The following TPTE2 variants were observed in gnomAD, a reference collection of about 807,000 sequenced individuals.
The protein encoded by TPTE2 is transmembrane phosphoinositide 3-phosphatase and tensin homolog 2.
A neutral mutation model predicts 78.6 loss-of-function variants in TPTE2; 53 were observed. The observed-to-expected ratio is 0.67, with a 90% CI of 0.54 to 0.85. The LOEUF (loss-of-function observed/expected upper bound fraction) is 0.85. TPTE2 is among the 40% of genes least tolerant of loss of function. The pLI, the probability that TPTE2 is intolerant of heterozygous loss-of-function variation, is 0.00. For missense variants in TPTE2, 461 were observed against 623.0 expected, an observed-to-expected ratio of 0.74 and a Z score of 2.77; for synonymous variants, 175 against 206.2, an observed-to-expected ratio of 0.85 and a Z score of 1.30.
At chr13:19,445,107 T>C (rs1159780533) in intron 13 of TPTE2, among the ~76,000 whole-genome samples, 1 of 152,182 alleles carries the variant, frequency 6.6e-6, no homozygotes, top group Non-Finnish European at 1.5e-5. Context: ...CATATGATGG[T>C]AATACAATTA....
At chr13:19,560,562 G>C in the TPTE2 span, 1 of 1,598,456 alleles carries the variant, frequency 6.3e-7, no homozygotes, top group Non-Finnish European at 8.5e-7. Context: ...TCTTGGCCCA[G>C]CTGATGGTGA....
intron 1 of TPTE2, among the ~76,000 whole-genome samples, chr13:19,516,802 A>C (rs1395953003): frequency 6.6e-6 from 1 of 152,222 alleles, no homozygotes; most frequent in Non-Finnish European, 1.5e-5. Context: ...CACACTGCCT[A>C]AAATGTCGTA....
exon 20 of TPTE2, chr13:19,423,037 G>T: frequency 6.2e-7 from 1 of 1,610,330 alleles, no homozygotes; most frequent in South Asian, 1.1e-5. Context: ...TACTTAGTCG[G>T]ATCCAGCTAC....
the TPTE2 span, among the ~76,000 whole-genome samples, chr13:19,553,663 T>C: frequency 6.6e-6 from 1 of 152,226 alleles, no homozygotes; most frequent in South Asian, 2.1e-4. Context: ...GAATCTCAAA[T>C]CATTATGCTG....
the TPTE2 span, chr13:19,561,097 C>A: frequency 5.3e-5 from 85 of 1,603,756 alleles, no homozygotes; most frequent in South Asian, 7.7e-4. Context: ...CCTCCCCATC[C>A]TCCTCTTCCT....
upstream of TPTE2, among the ~76,000 whole-genome samples, chr13:19,506,148 G>A (rs925459971): frequency 5.5e-5 from 6 of 108,762 alleles, no homozygotes; most frequent in South Asian, 7.6e-4. Context: ...ATACACTTAC[G>A]TGTATATAAA....
the TPTE2 span, among the ~76,000 whole-genome samples, chr13:19,558,272 C>T: frequency 6.6e-6 from 1 of 152,120 alleles, no homozygotes; most frequent in African/African-American, 2.4e-5. Flanking sequence ...ATTCATCTCC[C>T]TACCCTAATG....
At chr13:19,527,695 C>T (rs1593421225) in intron 1 of TPTE2, among the ~76,000 whole-genome samples, 2 of 152,064 alleles carry the variant, frequency 1.3e-5, no homozygotes, top group African/African-American at 4.8e-5. Context: ...GGCAACATGA[C>T]AAAACCCATC....
At chr13:19,527,931 G>A (rs1766092160) in intron 1 of TPTE2, among the ~76,000 whole-genome samples, 2 of 152,314 alleles carry the variant, frequency 1.3e-5, no homozygotes, top group South Asian at 4.1e-4. Context: ...AGGGGCTGGC[G>A]CCTTGAGGAC....
At chr13:19,493,669 G>GATGT in intron 1 of TPTE2, 168 bp from the exon 5 acceptor site, 1 of 711,290 alleles carries the variant, frequency 1.4e-6, no homozygotes, top group Non-Finnish European at 2.5e-6. Context: ...TAGAAATGAG[G>GATGT]ATGTATATGA....
intron 6 of TPTE2, among the ~76,000 whole-genome samples, chr13:19,468,378 T>C (rs1377667325): frequency 6.6e-6 from 1 of 152,080 alleles, no homozygotes; most frequent in African/African-American, 2.4e-5. Flanking sequence ...TAATACTCTC[T>C]TGTGTATATG....
At chr13:19,455,397 T>C (rs1166574078) in intron 10 of TPTE2, among the ~76,000 whole-genome samples, 2 of 152,236 alleles carry the variant, frequency 1.3e-5, no homozygotes, top group African/African-American at 4.8e-5. Context: ...TTCTCTCTAA[T>C]TTTGTGTTCC....
At chr13:19,529,235 A>G (rs1301820376) in intron 1 of TPTE2, among the ~76,000 whole-genome samples, 1 of 152,186 alleles carries the variant, frequency 6.6e-6, no homozygotes, top group Non-Finnish European at 1.5e-5. Flanking sequence ...GACAAGTCTC[A>G]AAGAGAAGAG....
At chr13:19,542,321 A>C in the TPTE2 span, among the ~76,000 whole-genome samples, 1 of 152,106 alleles carries the variant, frequency 6.6e-6, no homozygotes, top group Non-Finnish European at 1.5e-5. Flanking sequence ...ACAGTTTCTG[A>C]GAGTCTCCTG....
chr13:19,545,041 G>C, the TPTE2 span, among the ~76,000 whole-genome samples: 1 of 151,602 alleles, frequency 6.6e-6, no homozygotes, highest in Non-Finnish European at 1.5e-5. Flanking sequence ...CTGCTCCCTT[G>C]TAACACCTAC....
At chr13:19,468,640 T>A (rs1262830978) in intron 6 of TPTE2, among the ~76,000 whole-genome samples, 1 of 152,236 alleles carries the variant, frequency 6.6e-6, no homozygotes, top group African/African-American at 2.4e-5. Flanking sequence ...GAACAGTGTA[T>A]GAGGGTTCTC....
At chr13:19,464,435 T>C (rs1879132714) in intron 10 of TPTE2, 21 bp downstream of exon 13, 1 of 1,597,588 alleles carries the variant, frequency 6.3e-7, no homozygotes, top group Non-Finnish European at 8.6e-7. Context: ...AAATGAGTAT[T>C]TGTCAGATAA....
chr13:19,446,176 C>A (rs1877822140), intron 13 of TPTE2, among the ~76,000 whole-genome samples: 5 of 152,168 alleles, frequency 3.3e-5, no homozygotes, highest in Admixed American at 3.3e-4. Context: ...TCTGTAAATT[C>A]AATGTAGTTC....
chr13:19,465,216 G>A (rs1212804884), intron 9 of TPTE2, 39 bp downstream of exon 12: 2 of 1,611,104 alleles, frequency 1.2e-6, no homozygotes, highest in African/African-American at 1.3e-5. Flanking sequence ...AAGAAAAAGT[G>A]AAGTAATACA....
Sources: allele counts gnomAD v4.1 joint callset (sites outside exome capture counted in the v4.1 genomes callset), GRCh38; gene constraint gnomAD v4.1.1; transcripts MANE v1.5; gene names NCBI Gene and HGNC (gene_info 2026-07-23, HGNC 2026-07-21).